ADAM18: variants seen among roughly 807,000 people sequenced by gnomAD.
ADAM18 encodes the protein ADAM metallopeptidase domain 18, also known as disintegrin and metalloproteinase domain-containing protein 18.
ADAM18 carries 117 observed loss-of-function variants against 94.4 expected under a neutral mutation model. The observed-to-expected ratio is 1.24, with a 90% CI of 1.07 to 1.45. The LOEUF (loss-of-function observed/expected upper bound fraction) is 1.45. Among genes scored for constraint, ADAM18 ranks in the 40% most tolerant of loss-of-function variants. The pLI is 0.00. For missense variants in ADAM18, 936 were observed against 880.0 expected (o/e 1.06, Z -0.81); for synonymous variants, 327 against 291.6 (o/e 1.12, Z -1.24).
rs79109719 is a variant in ADAM18, at chr8:39,723,876, T to A, written c.2146T>A (p.Ser716Thr). The change falls in exon 19 of 20, where the codon TCA becomes ACA. Residue 716 changes from serine (S) to threonine (T), a missense_variant. Ser to Thr is a moderately conservative substitution (Grantham distance 58). Coordinates refer to ENST00000265707, the MANE Select transcript of ADAM18 (RefSeq NM_014237.3). ...VIFKRNEISK[S>T]CNRENAEYNR... The stretch of plus-strand genomic sequence containing the variant: ...CTTTAAAAGAAATGAAATAAGTAAA[T>A]CATGTAACAGAGAGAATGCAGAGTA... The A allele has an allele frequency of 4.8e-3, 7,473 of 1,561,588 alleles. 354 individuals carry two copies. In the African/African-American group the frequency reaches 0.093, roughly 19 times the overall value.
At chr8:39,645,280 A>G in intron 10 of ADAM18, 58 bp from the exon 11 acceptor site, 2 of 1,430,722 alleles carry the variant, frequency 1.4e-6, no homozygotes, top group Non-Finnish European at 1.9e-6. Context: ...AAAATATTTC[A>G]AGTTATTACT....
intron 12 of ADAM18, among the ~76,000 whole-genome samples, chr8:39,650,857 A>C (rs1399983123): frequency 6.6e-6 from 1 of 152,136 alleles, no homozygotes; most frequent in Non-Finnish European, 1.5e-5. Context: ...GAGAGACTTG[A>C]GAAAAGAAAG....
intron 6 of ADAM18, among the ~76,000 whole-genome samples, chr8:39,625,239 G>A (rs1299721041): frequency 6.6e-6 from 1 of 152,074 alleles, no homozygotes; most frequent in African/African-American, 2.4e-5. Context: ...TTCTTGTAAA[G>A]AGCTTTCACC....
chr8:39,729,844 G>A (rs1041828453), intron 19 of ADAM18, 54 bp from the exon 20 acceptor site: 21 of 1,445,892 alleles, frequency 1.5e-5, no homozygotes, highest in African/African-American at 5.6e-5. Context: ...TAGGCAATTG[G>A]CTACTACTAA....
At chr8:39,614,631 T>G (rs776977629) in intron 6 of ADAM18, among the ~76,000 whole-genome samples, 1 of 152,176 alleles carries the variant, frequency 6.6e-6, no homozygotes, top group Admixed American at 6.5e-5. Flanking sequence ...TAACTTTGAA[T>G]GTAAAGGGGA....
rs1006758787 is a variant in ADAM18, at chr8:39,637,715, G to T, written c.827+12G>T. 3 of 1,540,910 alleles carry T rather than the reference G, an allele frequency of 1.9e-6. No individual in the cohort carries two copies. In the Admixed American group the frequency reaches 6.2e-5, roughly 32 times the overall value. ...GCATACTTACTTGTGTAAGCACAAT[G>T]TTCTACATTAATAAAGATATCTGCA... On this transcript the variant is annotated intron_variant, in intron 9 of 19. Transcript: ENST00000265707.
At chr8:39,611,465 T>G (rs1426449756) in intron 6 of ADAM18, 1 of 985,112 alleles carries the variant, frequency 1.0e-6, no homozygotes, top group Non-Finnish European at 1.2e-6. Context: ...ACTATCTGTA[T>G]GGTTCCTAGA....
At chr8:39,714,382 T>C (rs954968029) in intron 18 of ADAM18, among the ~76,000 whole-genome samples, 6 of 152,102 alleles carry the variant, frequency 3.9e-5, no homozygotes, top group African/African-American at 1.4e-4. Context: ...AGCACATGCA[T>C]ACCTATGTAT....
chr8:39,648,350 C>T lies in ADAM18; in HGVS notation c.1053C>T (p.Ala351=), dbSNP rs1160996696. The change falls in exon 12 of 20, where the codon GCC becomes GCT. Residue 351 remains alanine (A), a synonymous_variant. Coordinates refer to ENST00000265707, the MANE Select transcript of ADAM18 (RefSeq NM_014237.3). Reference sequence around the variant, plus strand: ...GAATATTATTTTATTTTAGGAGTGCCAGTGGTAGAAAGATTTTTAGCAACT... The same window carrying T: ...GAATATTATTTTATTTTAGGAGTGCTAGTGGTAGAAAGATTTTTAGCAACT... ...TCIMNHEAVS[A]SGRKIFSNCS... The T allele has an allele frequency of 2.5e-6, 4 of 1,586,770 alleles. No homozygotes were observed. Among genetic ancestry groups the T allele is most frequent in the East Asian group, 2.3e-5 (1 of 44,372 alleles).
chr8:39,716,796 T>C (rs569688667), intron 18 of ADAM18, among the ~76,000 whole-genome samples: 1 of 152,016 alleles, frequency 6.6e-6, no homozygotes, highest in African/African-American at 2.4e-5. Context: ...ACATGTGACA[T>C]TGAAGTCTCC....
intron 11 of ADAM18, among the ~76,000 whole-genome samples, chr8:39,646,455 T>C (rs949835068): frequency 1.3e-5 from 2 of 152,306 alleles, no homozygotes; most frequent in East Asian, 1.9e-4. Context: ...TGTAACCCAA[T>C]AGATCCAAAA....
chr8:39,636,409 C>T (rs1288944770), intron 7 of ADAM18, among the ~76,000 whole-genome samples: 1 of 152,000 alleles, frequency 6.6e-6, no homozygotes, highest in Non-Finnish European at 1.5e-5. Flanking sequence ...GCCATTTTGG[C>T]AAATGCCATT....
At chr8:39,680,834 G>A (rs1365979360) in intron 16 of ADAM18, among the ~76,000 whole-genome samples, 1 of 151,914 alleles carries the variant, frequency 6.6e-6, no homozygotes, top group Non-Finnish European at 1.5e-5. Flanking sequence ...ATTTCACATA[G>A]CAATTATAGA....
intron 18 of ADAM18, among the ~76,000 whole-genome samples, chr8:39,716,935 A>T (rs1470926126): frequency 6.6e-6 from 1 of 151,942 alleles, no homozygotes; most frequent in African/African-American, 2.4e-5. Flanking sequence ...TTATCATAAC[A>T]TAAAGACTTT....
chr8:39,637,713 A>G lies in ADAM18; in HGVS notation c.827+10A>G. ...TAGCATACTTACTTGTGTAAGCACA[A>G]TGTTCTACATTAATAAAGATATCTG... On this transcript the variant is annotated intron_variant, in intron 9 of 19. Coordinates refer to ENST00000265707, the MANE Select transcript of ADAM18 (RefSeq NM_014237.3). 2 of 1,547,100 alleles carry G rather than the reference A, an allele frequency of 1.3e-6. No individual in the cohort carries two copies. The highest frequency in any genetic ancestry group is 3.5e-4 in the Middle Eastern group (2 of 5,778).
intron 5 of ADAM18, among the ~76,000 whole-genome samples, chr8:39,610,136 G>A (rs1352091743): frequency 6.6e-6 from 1 of 152,068 alleles, no homozygotes; most frequent in Non-Finnish European, 1.5e-5. Context: ...GGCATTCTCT[G>A]AATGTGGTTT....
At chr8:39,695,587 A>G (rs1226097636) in intron 17 of ADAM18, among the ~76,000 whole-genome samples, 2 of 151,056 alleles carry the variant, frequency 1.3e-5, no homozygotes, top group Non-Finnish European at 3.0e-5. Flanking sequence ...TATATCCTCC[A>G]TTATCCCCTT....
At chr8:39,587,192 A>G (rs1357161872) in intron 2 of ADAM18, among the ~76,000 whole-genome samples, 1 of 152,214 alleles carries the variant, frequency 6.6e-6, no homozygotes, top group Non-Finnish European at 1.5e-5. Flanking sequence ...ACCTCCAAAA[A>G]TGTCCTTGCA....
intron 16 of ADAM18, among the ~76,000 whole-genome samples, chr8:39,691,414 T>A (rs1821775419): frequency 6.6e-6 from 1 of 152,126 alleles, no homozygotes; most frequent in South Asian, 2.1e-4. Context: ...AACAGTATGG[T>A]GTTTCTTCTA....
Sources: allele counts gnomAD v4.1 joint callset (sites outside exome capture counted in the v4.1 genomes callset), GRCh38; gene constraint gnomAD v4.1.1; transcripts MANE v1.5; gene names NCBI Gene and HGNC (gene_info 2026-07-23, HGNC 2026-07-21).